The following PSMC3IP variants were observed in gnomAD, a reference collection of about 807,000 sequenced individuals.
PSMC3IP encodes homologous-pairing protein 2 homolog.
In PSMC3IP, 26 loss-of-function variants were observed where a neutral mutation model predicts 34.9. The observed-to-expected ratio is 0.74, with a 90% CI of 0.55 to 1.03. The LOEUF (loss-of-function observed/expected upper bound fraction) is 1.03, where lower values mean the gene tolerates loss of function less well. Among genes scored for constraint, PSMC3IP ranks in the 50% least tolerant of loss-of-function variants. The probability of loss-of-function intolerance (pLI) is 0.00; values close to 1 mark genes in which losing one functional copy is unlikely to be tolerated. For missense variants in PSMC3IP, 250 were observed against 263.1 expected (o/e 0.95, Z 0.34); for synonymous variants, 87 against 96.5 (o/e 0.90, Z 0.57).
At chr17:42,573,887 C>G in intron 4 of PSMC3IP, 1 of 1,531,536 alleles carries the variant, frequency 6.5e-7, no homozygotes, top group Non-Finnish European at 8.7e-7. Context: ...TACTGATAAT[C>G]GTGGCAGGGA....
chr17:42,577,759 G>A (rs560290992), upstream of PSMC3IP: 23 of 1,585,620 alleles, frequency 1.5e-5, no homozygotes, highest in Admixed American at 2.0e-4. Flanking sequence ...TCCGGCGACG[G>A]GGGCGGGCCT....
rs1597725716 is a variant in PSMC3IP, at chr17:42,575,435, C to A, written c.226-1225G>T. On this transcript the variant is annotated intron_variant, in intron 3 of 7. Coordinates refer to ENST00000393795, the MANE Select transcript of PSMC3IP (RefSeq NM_016556.4). ...CAGCCATGACAAGAGATACATATGG[C>A]CCACAAATCCTAAAAATACTGTCTG... Among the ~76,000 whole-genome samples, 5 of 152,256 alleles carry A rather than the reference C, an allele frequency of 3.3e-5. No homozygotes were observed. In the South Asian group the frequency reaches 1.0e-3, roughly 32 times the overall value.
chr17:42,577,396 G>A (rs2093082714), intron 2 of PSMC3IP, 65 bp downstream of exon 2: 1 of 1,609,816 alleles, frequency 6.2e-7, no homozygotes, highest in Non-Finnish European at 8.5e-7. Context: ...AGGCTCCAAA[G>A]GGCACGACCC....
chr17:42,574,132 TCTGCAC>T lies in PSMC3IP; in HGVS notation c.298_303del (p.Val100_Gln101del). 6.2e-7 allele frequency: 1 copy of T among 1,614,136 alleles called. No homozygotes were observed. Among genetic ancestry groups the T allele is most frequent in the Non-Finnish European group, 8.5e-7 (1 of 1,180,030 alleles). The stretch of plus-strand genomic sequence containing the variant: ...ATGTAGCGGCAGCTCTGCTGCAAGC[TCTGCAC>T]CTTAGCAGTGAGGGCCACGATTTTG... On this transcript the variant is annotated inframe_deletion, in exon 4 of 8. Transcript: ENST00000393795.
intron 3 of PSMC3IP, among the ~76,000 whole-genome samples, chr17:42,576,168 G>T (rs2093074340): frequency 6.6e-6 from 1 of 152,192 alleles, no homozygotes; most frequent in Non-Finnish European, 1.5e-5. Flanking sequence ...AGAGAAGCAG[G>T]TACAGGGAAG....
Position 42,572,955 on chromosome 17 carries a change from G to T in PSMC3IP, c.*13C>A, listed in dbSNP as rs1362548359. On this transcript the variant is annotated 3_prime_UTR_variant, in exon 8 of 8. Transcript: ENST00000393795. ...ACATCCTGCAGTCCCCACCAGTCCT[G>T]ACCGTGGGCCCCTCAGGGGTCTGGG... The T allele has an allele frequency of 1.2e-6, 2 of 1,613,738 alleles. No individual in the cohort carries two copies. Among genetic ancestry groups the T allele is most frequent in the Non-Finnish European group, 1.7e-6 (2 of 1,179,816 alleles).
chr17:42,573,881 G>A lies in PSMC3IP; in HGVS notation c.337+218C>T, dbSNP rs575058176. 2.6e-5 allele frequency: 40 copies of A among 1,531,762 alleles called. No individual in the cohort carries two copies. The Admixed American group carries it at 7.8e-4, about 30-fold the overall frequency. The allele number at this position is 1,531,762 out of a possible 1,614,324, so 94.9% of individuals were successfully genotyped here. A position where few individuals can be genotyped will look rare whatever the true frequency, so the allele number is the denominator to read the frequency against. On this transcript the variant is annotated intron_variant, in intron 4 of 7. Transcript: ENST00000393795. Reference sequence around the variant, plus strand: ...AAGGGAAACGTGGGGACAGTGTACTGATAATCGTGGCAGGGAGAACAAATG... The same window carrying A: ...AAGGGAAACGTGGGGACAGTGTACTAATAATCGTGGCAGGGAGAACAAATG...
intron 5 of PSMC3IP, 24 bp from the exon 6 acceptor site, chr17:42,573,388 C>G: frequency 6.2e-7 from 1 of 1,614,204 alleles, no homozygotes; most frequent in Non-Finnish European, 8.5e-7. Context: ...GCAAGTTCCT[C>G]TAACTCCTCA....
upstream of PSMC3IP, chr17:42,577,757 C>CG (rs765801167): frequency 2.3e-5 from 37 of 1,587,132 alleles, no homozygotes; most frequent in Non-Finnish European, 3.2e-5. Context: ...CTTCCGGCGA[C>CG]GGGGGCGGGC....
intron 3 of PSMC3IP, among the ~76,000 whole-genome samples, chr17:42,575,338 G>A (rs888613710): frequency 2.0e-5 from 3 of 152,158 alleles, no homozygotes; most frequent in African/African-American, 4.8e-5. Context: ...AGCCCCACCC[G>A]TTCATTTACA....
intron 3 of PSMC3IP, among the ~76,000 whole-genome samples, chr17:42,576,278 C>G (rs916758043): frequency 6.6e-6 from 1 of 152,068 alleles, no homozygotes; most frequent in Non-Finnish European, 1.5e-5. Context: ...CTGGCTGGGG[C>G]GTCTTCCGGT....
Position 42,574,110 on chromosome 17 carries a change from T to G in PSMC3IP, c.326A>C (p.Tyr109Ser). The stretch of plus-strand genomic sequence containing the variant: ...CTACCCAGTCCTACCAGCCTCCATG[T>G]AGCGGCAGCTCTGCTGCAAGCTCTG... ...KVQSLQQSCR[Y>S]MEAELKELSS... Residue 109 changes from tyrosine (Y) to serine (S), a missense_variant, in exon 4 of 8, where the codon TAC becomes TCC. Physicochemically the swap from Tyr to Ser is moderately radical, Grantham distance 144. Coordinates refer to ENST00000393795, the MANE Select transcript of PSMC3IP (RefSeq NM_016556.4). 6.2e-7 allele frequency: 1 copy of G among 1,614,168 alleles called. No individual in the cohort carries two copies. The highest frequency in any genetic ancestry group is 8.5e-7 in the Non-Finnish European group (1 of 1,180,034).
At chr17:42,577,008 T>A in intron 3 of PSMC3IP, 1 of 1,257,458 alleles carries the variant, frequency 8.0e-7, no homozygotes, top group Middle Eastern at 2.8e-4. Context: ...CAATACAGAA[T>A]CTTCTGTCAT....
upstream of PSMC3IP, chr17:42,577,780 T>C (rs2093086633): frequency 5.4e-6 from 8 of 1,479,250 alleles, no homozygotes; most frequent in Admixed American, 3.4e-5. Context: ...CGAACGGTGA[T>C]TGGCTGAAGG....
At position 42,577,322 on chromosome 17, in the gene PSMC3IP, G is replaced by A. The variant is rs1362591140; in HGVS notation, c.136-20C>T. On this transcript the variant is annotated intron_variant, in intron 2 of 7. Transcript: ENST00000393795. ...CACCACCTGGCAGAGGAGAGAGAAG[G>A]AGCAATCAGAGGAGTCTGAGCCTGG... The A allele has an allele frequency of 1.2e-6, 2 of 1,612,874 alleles. No homozygotes were observed. The highest frequency in any genetic ancestry group is 1.7e-6 in the Non-Finnish European group (2 of 1,179,216).
chr17:42,577,064 C>G (rs1038175762), intron 3 of PSMC3IP, 149 bp downstream of exon 3: 63 of 1,525,154 alleles, frequency 4.1e-5, no homozygotes, highest in Non-Finnish European at 5.5e-5. Context: ...GGGATCCTAA[C>G]AAGAGGAGTA....
In PSMC3IP at chr17:42,573,865, G is replaced by A. The variant is rs769493708; in HGVS notation, c.337+234C>T. 31 of 1,531,532 alleles carry A rather than the reference G, an allele frequency of 2.0e-5. No individual in the cohort carries two copies. In the East Asian group the frequency reaches 3.4e-4, roughly 17 times the overall value. The allele number at this position is 1,531,532 out of a possible 1,614,324, so 94.9% of individuals were successfully genotyped here. On this transcript the variant is annotated intron_variant, in intron 4 of 7. Coordinates refer to ENST00000393795, the MANE Select transcript of PSMC3IP (RefSeq NM_016556.4). The stretch of plus-strand genomic sequence containing the variant: ...TAAAGAAGCAGGAATAAAGGGAAAC[G>A]TGGGGACAGTGTACTGATAATCGTG...
intron 3 of PSMC3IP, among the ~76,000 whole-genome samples, chr17:42,575,820 A>G (rs539923950): frequency 6.6e-6 from 1 of 151,112 alleles, no homozygotes; most frequent in East Asian, 1.9e-4. Flanking sequence ...CATCCTGGCT[A>G]ACACGATGAA....
Position 42,573,175 on chromosome 17 carries a change from A to T in PSMC3IP, c.538-9T>A. 1.9e-6 allele frequency: 3 copies of T among 1,614,212 alleles called. No homozygotes were observed. The highest frequency in any genetic ancestry group is 2.5e-6 in the Non-Finnish European group (3 of 1,180,032). On this transcript the variant is annotated splice_polypyrimidine_tract_variant and intron_variant, in intron 6 of 7. Coordinates refer to ENST00000393795, the MANE Select transcript of PSMC3IP (RefSeq NM_016556.4). Reference sequence around the variant, plus strand: ...TCAGACAGCTCTGTAGCCTGACAAGAAATAAAACCACCCGTTTTCAGATGG... The same window carrying T: ...TCAGACAGCTCTGTAGCCTGACAAGTAATAAAACCACCCGTTTTCAGATGG...
Sources: gnomAD v4.1 joint callset for allele counts (sites outside exome capture counted in the v4.1 genomes callset) on GRCh38, gnomAD v4.1.1 for gene constraint, MANE v1.5 for transcripts, NCBI Gene and HGNC (gene_info 2026-07-23, HGNC 2026-07-21) for gene names.